Variants in SPIDR observed in about 807,000 individuals in gnomAD.
SPIDR encodes the protein scaffold protein involved in DNA repair, also known as DNA repair-scaffolding protein.
A neutral mutation model predicts 104.6 loss-of-function variants in SPIDR; 93 were observed. The observed-to-expected ratio is 0.89, with a 90% CI of 0.75 to 1.06. SPIDR has a LOEUF of 1.06. SPIDR is among the 50% of genes least tolerant of loss of function. The pLI is 0.00. For synonymous variants in SPIDR, 431 were observed against 416.9 expected, an observed-to-expected ratio of 1.03 and a Z score of -0.41; for missense variants, 1,154 against 1,111.2, an observed-to-expected ratio of 1.04 and a Z score of -0.55.
At chr8:47,480,652 C>T (rs782560938) in intron 8 of SPIDR, among the ~76,000 whole-genome samples, 6 of 152,146 alleles carry the variant, frequency 3.9e-5, no homozygotes, top group African/African-American at 7.2e-5. Context: ...CAGGGATCGG[C>T]GCACAGCCTG....
chr8:47,717,281 C>G (rs534463356), intron 16 of SPIDR, among the ~76,000 whole-genome samples: 2 of 152,328 alleles, frequency 1.3e-5, no homozygotes, highest in African/African-American at 4.8e-5. Context: ...CTCCCACCCC[C>G]TCAGCTCTCC....
At chr8:47,645,348 A>G (rs768544497) in intron 10 of SPIDR, among the ~76,000 whole-genome samples, 5 of 152,150 alleles carry the variant, frequency 3.3e-5, no homozygotes, top group African/African-American at 4.8e-5. Flanking sequence ...TGGGGGCTCA[A>G]GGATGACTGT....
At chr8:47,648,321 G>C (rs139704925) in intron 10 of SPIDR, among the ~76,000 whole-genome samples, 25 of 152,322 alleles carry the variant, frequency 1.6e-4, no homozygotes, top group African/African-American at 5.8e-4. Flanking sequence ...AATTCAGGAG[G>C]GAGAACAGAG....
chr8:47,664,311 T>TGGGAAGCAGGC (rs2154464938), intron 10 of SPIDR, among the ~76,000 whole-genome samples: 1 of 152,148 alleles, frequency 6.6e-6, no homozygotes, highest in African/African-American at 2.4e-5. Flanking sequence ...TGGGGGTAGG[T>TGGGAAGCAGGC]GGGAAGCAGG....
intron 8 of SPIDR, among the ~76,000 whole-genome samples, chr8:47,524,259 C>T (rs1206630781): frequency 6.6e-6 from 1 of 152,214 alleles, no homozygotes; most frequent in Non-Finnish European, 1.5e-5. Context: ...TAAGAATTAA[C>T]ATAAAAAGTA....
chr8:47,418,283 T>C (rs1197401591), intron 7 of SPIDR, among the ~76,000 whole-genome samples: 1 of 152,320 alleles, frequency 6.6e-6, no homozygotes, highest in South Asian at 2.1e-4. Context: ...TTTGTTTGTA[T>C]CCTCTTTTAT....
chr8:47,614,522 G>T (rs188158476), intron 10 of SPIDR, among the ~76,000 whole-genome samples: 1 of 152,072 alleles, frequency 6.6e-6, no homozygotes, highest in Non-Finnish European at 1.5e-5. Flanking sequence ...ACGCCCAGCC[G>T]ATCTTGTTCC....
intron 14 of SPIDR, among the ~76,000 whole-genome samples, chr8:47,708,180 T>A (rs1182087581): frequency 1.3e-5 from 2 of 152,148 alleles, no homozygotes; most frequent in Non-Finnish European, 2.9e-5. Flanking sequence ...GTGCCTGTAA[T>A]CCCAGCTACC....
chr8:47,499,678 T>A (rs1199365774), intron 8 of SPIDR, among the ~76,000 whole-genome samples: 1 of 152,150 alleles, frequency 6.6e-6, no homozygotes, highest in Non-Finnish European at 1.5e-5. Flanking sequence ...AGGGTACATG[T>A]GCACAACGTG....
intron 10 of SPIDR, among the ~76,000 whole-genome samples, chr8:47,601,586 C>T (rs1051628645): frequency 2.0e-5 from 3 of 152,184 alleles, no homozygotes; most frequent in African/African-American, 7.2e-5. Flanking sequence ...CCCAGCTACT[C>T]TGGAGACTGA....
At chr8:47,312,782 A>G (rs1388121786) in intron 5 of SPIDR, among the ~76,000 whole-genome samples, 17 of 152,184 alleles carry the variant, frequency 1.1e-4, no homozygotes, top group African/African-American at 3.4e-4. Context: ...TGTTGTAGAC[A>G]TGAAGTCCTT....
intron 8 of SPIDR, among the ~76,000 whole-genome samples, chr8:47,541,342 C>T (rs1206858821): frequency 6.6e-6 from 1 of 152,198 alleles, no homozygotes; most frequent in East Asian, 1.9e-4. Flanking sequence ...GGGCTCCAGC[C>T]TGGGTCTTTC....
intron 8 of SPIDR, among the ~76,000 whole-genome samples, chr8:47,467,317 C>A (rs2075029828): frequency 1.3e-5 from 2 of 152,168 alleles, no homozygotes; most frequent in African/African-American, 2.4e-5. Context: ...CCTACTGAAA[C>A]TATTCCGAAA....
At chr8:47,575,008 A>G (rs2058916220) in intron 8 of SPIDR, among the ~76,000 whole-genome samples, 1 of 152,210 alleles carries the variant, frequency 6.6e-6, no homozygotes, top group Admixed American at 6.5e-5. Flanking sequence ...CAGTTCAACT[A>G]GAATTTTTAA....
chr8:47,592,770 A>G (rs1429232368), intron 8 of SPIDR, among the ~76,000 whole-genome samples: 3 of 152,234 alleles, frequency 2.0e-5, no homozygotes, highest in Non-Finnish European at 2.9e-5. Flanking sequence ...TTGTTACAAT[A>G]AAAATTTAGA....
At chr8:47,733,539 C>G (rs186027745) in intron 19 of SPIDR, among the ~76,000 whole-genome samples, 1 of 152,248 alleles carries the variant, frequency 6.6e-6, no homozygotes, top group East Asian at 1.9e-4. Context: ...TTCACACTTG[C>G]ACAAACATGC....
At chr8:47,319,908 GAC>G (rs1475945493) in intron 5 of SPIDR, among the ~76,000 whole-genome samples, 10 of 151,872 alleles carry the variant, frequency 6.6e-5, no homozygotes, top group African/African-American at 1.9e-4. Flanking sequence ...CGAGAGCAAA[GAC>G]ACAACATAAC....
At position 47,619,313 on chromosome 8, in the gene SPIDR, G is replaced by A. The variant is rs189519292; in HGVS notation, c.1544+20117G>A. ...GTCTTGGTTTAAATGTCTTTTTGGT[G>A]TTAACAGAATCATGGAATCTTAAGA... On this transcript the variant is annotated intron_variant, in intron 10 of 19. Transcript: ENST00000297423. 5.0e-3 allele frequency among the ~76,000 whole-genome samples: 756 copies of A among 152,236 alleles called. 1 individual carries two copies. Among genetic ancestry groups the A allele is most frequent in the Non-Finnish European group, 7.3e-3 (494 of 67,998 alleles).
intron 1 of SPIDR, among the ~76,000 whole-genome samples, chr8:47,275,085 C>T (rs1007338400): frequency 1.7e-4 from 26 of 151,232 alleles, no homozygotes; most frequent in Admixed American, 7.2e-4. Context: ...TGGTGAAACC[C>T]GGTCTCTACT....
Sources: allele counts gnomAD v4.1 joint callset (sites outside exome capture counted in the v4.1 genomes callset), GRCh38; gene constraint gnomAD v4.1.1; transcripts MANE v1.5; gene names NCBI Gene and HGNC (gene_info 2026-07-23, HGNC 2026-07-21).